Variants in ANGEL1 observed in about 807,000 individuals in gnomAD.
ANGEL1 encodes RNA 2',3'-cyclic phosphatase ANGEL1.
ANGEL1 carries 62 observed loss-of-function variants against 76.4 expected under a neutral mutation model. The observed-to-expected ratio is 0.81, with a 90% CI of 0.66 to 1.00. ANGEL1 has a LOEUF of 1.00. Among genes scored for constraint, ANGEL1 ranks in the 50% least tolerant of loss-of-function variants. ANGEL1 has a pLI of 0.00. For missense variants in ANGEL1, 737 were observed against 836.7 expected (o/e 0.88, Z 1.47); for synonymous variants, 340 against 331.7 (o/e 1.03, Z -0.27).
At chr14:76,801,471 T>C (rs1894762944) in intron 7 of ANGEL1, among the ~76,000 whole-genome samples, 1 of 152,148 alleles carries the variant, frequency 6.6e-6, no homozygotes, top group Admixed American at 6.5e-5. Context: ...CATCTTTTCG[T>C]TTTGGGAAAA....
In ANGEL1 at chr14:76,806,677, G is replaced by A. The variant is rs561771867; in HGVS notation, c.1119C>T (p.Leu373=). The change falls in exon 5 of 10, where the codon CTC becomes CTT. Residue 373 remains leucine, a synonymous_variant. Coordinates refer to ENST00000251089, the MANE Select transcript of ANGEL1 (RefSeq NM_015305.4). The part of the protein sequence containing the change: ...NVGLVLLLQP[L]VPEGLGQVSV... ...AGACTTGTCCCAGGCCTTCTGGGAC[G>A]AGTGGTTGCAGTAGCAACACTAAGC... 5.6e-5 allele frequency: 90 copies of A among 1,613,254 alleles called. No individual in the cohort carries two copies. The highest frequency in any genetic ancestry group is 3.3e-4 in the Middle Eastern group (2 of 6,060).
chr14:76,807,315 T>C, intron 4 of ANGEL1, 118 bp downstream of exon 4: 1 of 967,676 alleles, frequency 1.0e-6, no homozygotes, highest in Admixed American at 2.3e-5. Flanking sequence ...TGGAAGGAGC[T>C]AGCTCACAGG....
At chr14:76,796,803 T>C (rs994643198) in intron 7 of ANGEL1, among the ~76,000 whole-genome samples, 1 of 152,244 alleles carries the variant, frequency 6.6e-6, no homozygotes, top group Non-Finnish European at 1.5e-5. Context: ...CCTTTAGTTA[T>C]TGTCTATTAC....
chr14:76,803,418 C>A lies in ANGEL1; in HGVS notation c.1571G>T (p.Arg524Leu). The A allele has an allele frequency of 6.2e-7, 1 of 1,614,186 alleles. No individual in the cohort carries two copies. Among genetic ancestry groups the A allele is most frequent in the South Asian group, 1.1e-5 (1 of 91,060 alleles). Residue 524 changes from arginine to leucine, a missense_variant, in exon 7 of 10, where the codon CGA becomes CTA. Around this residue, in one of 2 missense-constraint regions of ANGEL1, gnomAD observed 296 missense variants for 387.2 expected, o/e 0.76. Coordinates refer to ENST00000251089, the MANE Select transcript of ANGEL1 (RefSeq NM_015305.4). ...TTCCATAAGGACCAGTCCTACTGGTCGCTGACAAGCGATGCTGCAGAAGCG... is the reference window on the plus strand; with the variant it reads ...TTCCATAAGGACCAGTCCTACTGGTAGCTGACAAGCGATGCTGCAGAAGCG... ...RFRFCSIACQ[R>L]PVGLVLMEGV...
At chr14:76,808,475 C>T (rs1894987184) in intron 2 of ANGEL1, among the ~76,000 whole-genome samples, 1 of 147,974 alleles carries the variant, frequency 6.8e-6, no homozygotes, top group African/African-American at 2.4e-5. Context: ...GTGTGCTTAA[C>T]AGTCACCTGA....
chr14:76,805,717 A>C lies in ANGEL1; in HGVS notation c.1380+699T>G, dbSNP rs572919006. Among the ~76,000 whole-genome samples, 68 of 152,376 alleles carry C rather than the reference A, an allele frequency of 4.5e-4. No individual in the cohort carries two copies. In the South Asian group the frequency reaches 0.014, roughly 31 times the overall value. Reference sequence around the variant, plus strand: ...CATACAGTAGTGTATCATGTTTATAAAACACACATGGTAGATTACATATTG... The same window carrying C: ...CATACAGTAGTGTATCATGTTTATACAACACACATGGTAGATTACATATTG... On this transcript the variant is annotated intron_variant, in intron 5 of 9. Coordinates refer to ENST00000251089, the MANE Select transcript of ANGEL1 (RefSeq NM_015305.4).
intron 1 of ANGEL1, chr14:76,810,110 G>A (rs965004985): frequency 4.0e-5 from 18 of 446,974 alleles, no homozygotes; most frequent in Non-Finnish European, 8.1e-5. Flanking sequence ...CCCCTAGTCA[G>A]ATGAAGTTAC....
intron 7 of ANGEL1, among the ~76,000 whole-genome samples, chr14:76,793,416 A>G (rs1894475272): frequency 7.0e-5 from 3 of 42,558 alleles, no homozygotes; most frequent in Admixed American, 2.1e-4. Context: ...ATAAAAGGAA[A>G]GAGGAGAGGG....
chr14:76,796,670 C>T (rs1894588033), intron 7 of ANGEL1, among the ~76,000 whole-genome samples: 1 of 152,092 alleles, frequency 6.6e-6, no homozygotes, highest in South Asian at 2.1e-4. Flanking sequence ...TGTCAATGTT[C>T]GGTGTTTGAT....
chr14:76,799,960 C>T (rs1894712923), intron 7 of ANGEL1, among the ~76,000 whole-genome samples: 2 of 151,638 alleles, frequency 1.3e-5, no homozygotes. Context: ...CTGTTCAGCC[C>T]TGGGTAGGAG....
intron 7 of ANGEL1, among the ~76,000 whole-genome samples, chr14:76,794,198 A>G (rs1894504990): frequency 6.6e-6 from 1 of 152,214 alleles, no homozygotes; most frequent in Non-Finnish European, 1.5e-5. Flanking sequence ...ATGTTCTAAA[A>G]TTAGATCATG....
intron 1 of ANGEL1, among the ~76,000 whole-genome samples, chr14:76,812,098 A>T (rs953067843): frequency 6.6e-6 from 1 of 152,234 alleles, no homozygotes; most frequent in Non-Finnish European, 1.5e-5. Context: ...TTATGAAACA[A>T]TAACGAAATA....
intron 9 of ANGEL1, among the ~76,000 whole-genome samples, chr14:76,790,337 A>G (rs1359840189): frequency 6.6e-6 from 1 of 152,178 alleles, no homozygotes; most frequent in Non-Finnish European, 1.5e-5. Flanking sequence ...AACAAACTCA[A>G]CCAATTCCTA....
chr14:76,809,578 C>A lies in ANGEL1; in HGVS notation c.130G>T (p.Asp44Tyr), dbSNP rs771796901. 11 of 1,614,170 alleles carry A rather than the reference C, an allele frequency of 6.8e-6. No homozygotes were observed. In the South Asian group the frequency reaches 1.2e-4, roughly 18 times the overall value. ...GGGCCCCGAGGGGCCATGGCAAAGT[C>A]GCCCTCTACCTGGGGGGATGAGCTG... ...ANSSSPQVEG[D>Y]FAMAPRGPEQ... The change falls in exon 2 of 10, where the codon GAC becomes TAC. Residue 44 changes from aspartate to tyrosine, a missense_variant. Around this residue, in one of 2 missense-constraint regions of ANGEL1, gnomAD observed 441 missense variants for 449.5 expected, o/e 0.98. Transcript: ENST00000251089.
In ANGEL1 at chr14:76,808,142, A is replaced by G; in HGVS notation, c.656T>C (p.Leu219Ser). The change falls in exon 3 of 10, where the codon TTG becomes TCG. Residue 219 changes from leucine to serine, a missense_variant. Leu to Ser is a moderately radical substitution (Grantham distance 145). Transcript: ENST00000251089. ...PAVEIPYHEI[L>S]WREWEDFSTQ... ...GGAGAAATCCTCCCATTCTCGCCAC[A>G]AAATTTCTGCAAAGGATTGGGAGAA... is the stretch of plus-strand genomic sequence containing the variant. 1 of 1,613,468 alleles carries G rather than the reference A, an allele frequency of 6.2e-7. No individual in the cohort carries two copies. The highest frequency in any genetic ancestry group is 8.5e-7 in the Non-Finnish European group (1 of 1,179,908).
At chr14:76,810,354 G>A (rs144893791) in intron 1 of ANGEL1, 14 of 368,364 alleles carry the variant, frequency 3.8e-5, no homozygotes, top group Middle Eastern at 6.9e-4. Flanking sequence ...CCAGGTTGAC[G>A]CTGCAGTGAG....
Position 76,809,438 on chromosome 14 carries a change from G to C in ANGEL1, c.270C>G (p.Ser90Arg), listed in dbSNP as rs1895018664. The change falls in exon 2 of 10, where the codon AGC becomes AGG. Residue 90 changes from serine to arginine, a missense_variant. Ser to Arg is a moderately radical substitution (Grantham distance 110, BLOSUM62 -1). This residue lies in a region of ANGEL1 where 441 missense variants were observed against 449.5 expected (regional missense o/e 0.98). Coordinates refer to ENST00000251089, the MANE Select transcript of ANGEL1 (RefSeq NM_015305.4). Reference protein sequence around the residue: ...PLIDKGLAQSSLALLMDNPGE... With the variant: ...PLIDKGLAQSRLALLMDNPGE... ...CAGGATTATCCATCAGAAGTGCCAGGCTGCTCTGGGCTAGTCCTTTATCTA... is the reference window on the plus strand; with the variant it reads ...CAGGATTATCCATCAGAAGTGCCAGCCTGCTCTGGGCTAGTCCTTTATCTA... 7 of 1,614,110 alleles carry C rather than the reference G, an allele frequency of 4.3e-6. No homozygotes were observed. Among genetic ancestry groups the C allele is most frequent in the Non-Finnish European group, 5.9e-6 (7 of 1,180,054 alleles).
At chr14:76,793,369 G>A in intron 7 of ANGEL1, among the ~76,000 whole-genome samples, 2 of 22,426 alleles carry the variant, frequency 8.9e-5, no homozygotes, top group Admixed American at 4.9e-4. Context: ...AGAAAGAGGA[G>A]AGGGGAAAGA....
At chr14:76,801,636 GT>G (rs550332484) in intron 7 of ANGEL1, among the ~76,000 whole-genome samples, 7 of 151,582 alleles carry the variant, frequency 4.6e-5, no homozygotes, top group Non-Finnish European at 1.0e-4. Context: ...ACTTCTCACT[GT>G]TTTTTTTATT....
Sources: gnomAD v4.1 joint callset for allele counts (sites outside exome capture counted in the v4.1 genomes callset) on GRCh38, gnomAD v4.1.1 for gene constraint, gnomAD v4.1.1 regional missense constraint, MANE v1.5 for transcripts, NCBI Gene and HGNC (gene_info 2026-07-23, HGNC 2026-07-21) for gene names.